Variants in ERC1 observed in about 807,000 individuals in gnomAD.
ERC1 encodes ELKS/RAB6-interacting/CAST family member 1, also known as RAB6 interacting protein 2.
A neutral mutation model predicts 132.0 loss-of-function variants in ERC1; 56 were observed. That is an observed-to-expected ratio of 0.42 (90% CI 0.34 to 0.53). The LOEUF (loss-of-function observed/expected upper bound fraction) is 0.53, where lower values mean the gene tolerates loss of function less well. Ranked by LOEUF, ERC1 falls within the 20% of genes least tolerant of loss-of-function variation. The pLI, the probability that ERC1 is intolerant of heterozygous loss-of-function variation, is 0.03. For synonymous variants in ERC1, 478 were observed against 476.1 expected (o/e 1.00, Z -0.05); for missense variants, 1,202 against 1,349.9 (o/e 0.89, Z 1.72).
intron 7 of ERC1, among the ~76,000 whole-genome samples, chr12:1,137,670 C>A (rs1435759353): frequency 2.0e-5 from 3 of 150,086 alleles, no homozygotes; most frequent in Admixed American, 1.3e-4. Flanking sequence ...GCCAACATGG[C>A]GAAACCCCGT....
intron 7 of ERC1, among the ~76,000 whole-genome samples, chr12:1,117,821 C>A (rs536840544): frequency 6.6e-6 from 1 of 152,272 alleles, no homozygotes; most frequent in African/African-American, 2.4e-5. Flanking sequence ...AGATGATCTG[C>A]ATTTTCTTAC....
chr12:1,489,978 A>T, intron 18 of ERC1, 115 bp from the exon 19 acceptor site: 8 of 1,156,470 alleles, frequency 6.9e-6, no homozygotes, highest in Admixed American at 6.7e-5. Flanking sequence ...GTTAATTTTG[A>T]TGCAGAGAGA....
chr12:1,325,090 G>A (rs945233227), intron 15 of ERC1, among the ~76,000 whole-genome samples: 4 of 152,274 alleles, frequency 2.6e-5, no homozygotes, highest in African/African-American at 4.8e-5. Flanking sequence ...ATGACTCAGC[G>A]TTCCTTATGT....
At chr12:1,079,785 G>T (rs1042596645) in intron 2 of ERC1, among the ~76,000 whole-genome samples, 2 of 140,904 alleles carry the variant, frequency 1.4e-5, no homozygotes, top group African/African-American at 5.1e-5. Flanking sequence ...AGATAGAAAT[G>T]ATTTGTAATA....
intron 16 of ERC1, among the ~76,000 whole-genome samples, chr12:1,384,037 C>A (rs1225310007): frequency 1.3e-5 from 2 of 152,194 alleles, no homozygotes; most frequent in Non-Finnish European, 2.9e-5. Flanking sequence ...CACTCCTGAT[C>A]ACTACACCAA....
chr12:1,230,359 T>C (rs1374279788), intron 12 of ERC1, among the ~76,000 whole-genome samples: 1 of 152,204 alleles, frequency 6.6e-6, no homozygotes, highest in Non-Finnish European at 1.5e-5. Flanking sequence ...AGGAGTATAT[T>C]GTTTACTTTC....
intron 15 of ERC1, among the ~76,000 whole-genome samples, chr12:1,293,152 A>G (rs1315342427): frequency 6.9e-6 from 1 of 144,706 alleles, no homozygotes; most frequent in African/African-American, 2.6e-5. Flanking sequence ...TCAAAAAAAA[A>G]AAAAAAAATT....
At chr12:1,199,944 T>G (rs1035763094) in intron 12 of ERC1, among the ~76,000 whole-genome samples, 2 of 151,322 alleles carry the variant, frequency 1.3e-5, no homozygotes, top group Non-Finnish European at 2.9e-5. Context: ...AAAGAATGAA[T>G]GAGGTCATTT....
intron 17 of ERC1, among the ~76,000 whole-genome samples, chr12:1,434,723 C>G (rs551647138): frequency 6.6e-6 from 1 of 152,202 alleles, no homozygotes; most frequent in African/African-American, 2.4e-5. Flanking sequence ...CCCAAAGGGT[C>G]GTCTGACTGG....
chr12:1,372,068 A>G, intron 16 of ERC1, 91 bp downstream of exon 16: 1 of 1,309,766 alleles, frequency 7.6e-7, no homozygotes, highest in South Asian at 1.5e-5. Flanking sequence ...TTAAGGTCTC[A>G]TGTTTCATAT....
At chr12:1,004,607 G>T (rs549015308) in intron 1 of ERC1, among the ~76,000 whole-genome samples, 2 of 151,570 alleles carry the variant, frequency 1.3e-5, no homozygotes, top group African/African-American at 4.8e-5. Context: ...GGGTTTCACC[G>T]TGTTGGCCAG....
intron 7 of ERC1, among the ~76,000 whole-genome samples, chr12:1,129,305 C>T (rs1948516149): frequency 4.0e-5 from 1 of 24,862 alleles, no homozygotes; most frequent in African/African-American, 5.7e-5. Context: ...ACTGCGTCTC[C>T]ACAAACAACA....
chr12:1,121,677 A>ATCTCTATCTATCTCTATC (rs56044523), intron 7 of ERC1, among the ~76,000 whole-genome samples: 2 of 8,166 alleles, frequency 2.4e-4, no homozygotes, highest in Admixed American at 1.5e-3. Flanking sequence ...CTCTATCTCT[A>ATCTCTATCTATCTCTATC]TCTATCTCTA....
At chr12:1,144,831 A>T (rs185119845) in intron 8 of ERC1, among the ~76,000 whole-genome samples, 2 of 152,092 alleles carry the variant, frequency 1.3e-5, no homozygotes, top group African/African-American at 4.8e-5. Flanking sequence ...TGCTGGATCA[A>T]ATGGTAGGTC....
intron 16 of ERC1, among the ~76,000 whole-genome samples, chr12:1,404,361 A>T (rs531287856): frequency 6.6e-6 from 1 of 151,544 alleles, no homozygotes; most frequent in South Asian, 2.1e-4. Flanking sequence ...ATTTGCAATA[A>T]TCCTTTGAAC....
At chr12:1,446,715 A>G (rs924106184) in intron 18 of ERC1, among the ~76,000 whole-genome samples, 2 of 152,232 alleles carry the variant, frequency 1.3e-5, no homozygotes, top group African/African-American at 4.8e-5. Flanking sequence ...ATGTTGCCTA[A>G]TAATACACGG....
intron 2 of ERC1, among the ~76,000 whole-genome samples, chr12:1,044,299 A>G (rs1416424593): frequency 6.6e-6 from 1 of 152,202 alleles, no homozygotes; most frequent in Non-Finnish European, 1.5e-5. Context: ...TTTGTCAGTT[A>G]TCCTAGTGGA....
intron 18 of ERC1, among the ~76,000 whole-genome samples, chr12:1,486,143 CTTCT>C (rs1364635295): frequency 6.6e-6 from 1 of 152,186 alleles, no homozygotes; most frequent in Non-Finnish European, 1.5e-5. Context: ...TAACATCACT[CTTCT>C]TTCTTTAAAA....
Position 1,060,175 on chromosome 12 carries a change from C to CTTTTTTTTTTTTTT in ERC1, c.670-22979_670-22978insTTTTTTTTTTTTTT, listed in dbSNP as rs563850203. ...TCATGGTGGGAGGCAAAGGCCACTT[C>CTTTTTTTTTTTTTT]TTTTTTTTTTACTATTATACTTTAA... On this transcript the variant is annotated intron_variant, in intron 2 of 18. Coordinates refer to ENST00000360905, the MANE Select transcript of ERC1 (RefSeq NM_178040.4). Among the ~76,000 whole-genome samples, 24 of 144,250 alleles carry CTTTTTTTTTTTTTT rather than the reference C, an allele frequency of 1.7e-4. 1 individual carries two copies. The highest frequency in any genetic ancestry group is 7.6e-4 in the Admixed American group (11 of 14,510). The allele number at this position is 144,250 out of a possible 152,430, so 94.6% of individuals were successfully genotyped here. A position where few individuals can be genotyped will look rare whatever the true frequency, so the allele number is the denominator to read the frequency against.
Sources: gnomAD v4.1 joint callset for allele counts (sites outside exome capture counted in the v4.1 genomes callset) on GRCh38, gnomAD v4.1.1 for gene constraint, MANE v1.5 for transcripts, NCBI Gene and HGNC (gene_info 2026-07-23, HGNC 2026-07-21) for gene names.